The following PTPN3 variants were observed in gnomAD, a reference collection of about 807,000 sequenced individuals.
PTPN3 encodes tyrosine-protein phosphatase non-receptor type 3.
PTPN3 carries 96 observed loss-of-function variants against 132.7 expected under a neutral mutation model. The ratio of observed to expected loss-of-function variants is 0.72; its 90% confidence interval spans 0.61 to 0.86. The LOEUF is 0.86. Among genes scored for constraint, PTPN3 ranks in the 40% least tolerant of loss-of-function variants. The pLI is 0.00. For missense variants in PTPN3, 1,125 were observed against 1,159.6 expected (o/e 0.97, Z 0.43); for synonymous variants, 398 against 429.0 (o/e 0.93, Z 0.89).
rs766508051 is a variant in PTPN3 at position 109,436,865 on chromosome 9, C to T, written c.675+18G>A. ...TAAAAACATAATGTTTGAGCCAAGA[C>T]ATAACAAGAATACATACCCTACCAC... On this transcript the variant is annotated intron_variant, in intron 9 of 25. Coordinates refer to ENST00000374541, the MANE Select transcript of PTPN3 (RefSeq NM_002829.4). 18 of 1,603,800 alleles carry T rather than the reference C, an allele frequency of 1.1e-5. No individual in the cohort carries two copies. Among genetic ancestry groups the T allele is most frequent in the South Asian group, 1.0e-4 (9 of 88,058 alleles).
At chr9:109,426,647 G>C (rs1444168070) in intron 12 of PTPN3, among the ~76,000 whole-genome samples, 1 of 152,194 alleles carries the variant, frequency 6.6e-6, no homozygotes, top group Non-Finnish European at 1.5e-5. Context: ...CTGGCACCAG[G>C]AGACACACAG....
chr9:109,391,376 C>A, intron 20 of PTPN3, 95 bp downstream of exon 20: 1 of 1,395,034 alleles, frequency 7.2e-7, no homozygotes, highest in African/African-American at 1.4e-5. Flanking sequence ...TACAGACACA[C>A]TGAAAATCGT....
intron 19 of PTPN3, among the ~76,000 whole-genome samples, chr9:109,392,021 AG>A: frequency 6.6e-6 from 1 of 152,258 alleles, no homozygotes; most frequent in South Asian, 2.1e-4. Flanking sequence ...CTATTTCCAC[AG>A]GAAAAACATT....
At chr9:109,514,734 C>T in the PTPN3 span, among the ~76,000 whole-genome samples, 1 of 152,156 alleles carries the variant, frequency 6.6e-6, no homozygotes, top group African/African-American at 2.4e-5. Context: ...CAGTTCCTTC[C>T]ACTGGAGGTA....
intron 19 of PTPN3, among the ~76,000 whole-genome samples, chr9:109,395,820 C>CTG (rs1419546461): frequency 5.5e-4 from 80 of 146,516 alleles, no homozygotes; most frequent in African/African-American, 1.9e-3. Context: ...CTCTCTCTCT[C>CTG]TATATATATG....
chr9:109,406,827 T>C (rs1298644247), intron 17 of PTPN3, among the ~76,000 whole-genome samples: 1 of 152,236 alleles, frequency 6.6e-6, no homozygotes, highest in African/African-American at 2.4e-5. Context: ...CTGCTCAGAA[T>C]ATAAGTTATG....
intron 13 of PTPN3, 120 bp from the exon 14 acceptor site, chr9:109,420,720 G>T: frequency 9.4e-7 from 1 of 1,064,444 alleles, no homozygotes; most frequent in Non-Finnish European, 1.3e-6. Context: ...GGCGGAGGCT[G>T]ACATTCAGAG....
chr9:109,528,783 C>G, the PTPN3 span, among the ~76,000 whole-genome samples: 1 of 151,948 alleles, frequency 6.6e-6, no homozygotes, highest in Non-Finnish European at 1.5e-5. Flanking sequence ...TTTTCCTTCT[C>G]CTCCTCCTCC....
intron 22 of PTPN3, among the ~76,000 whole-genome samples, chr9:109,385,726 A>G (rs897835324): frequency 1.3e-5 from 2 of 152,250 alleles, no homozygotes; most frequent in Non-Finnish European, 2.9e-5. Context: ...CTTCTGGAGA[A>G]GTTGTCAATG....
chr9:109,506,023 T>C, the PTPN3 span, among the ~76,000 whole-genome samples: 4 of 152,150 alleles, frequency 2.6e-5, no homozygotes, highest in African/African-American at 9.7e-5. Context: ...AGTGCTGGGA[T>C]TACAGGCATG....
At chr9:109,444,494 A>G (rs1844715993) in intron 7 of PTPN3, among the ~76,000 whole-genome samples, 1 of 152,230 alleles carries the variant, frequency 6.6e-6, no homozygotes, top group Non-Finnish European at 1.5e-5. Flanking sequence ...ATTGAGATGT[A>G]CCGTCAGTGT....
At chr9:109,401,280 C>G (rs1041127636) in intron 19 of PTPN3, among the ~76,000 whole-genome samples, 5 of 152,224 alleles carry the variant, frequency 3.3e-5, no homozygotes, top group African/African-American at 1.2e-4. Context: ...TCCTCTGGAA[C>G]AGCGTGTGCA....
chr9:109,514,394 T>C, the PTPN3 span, among the ~76,000 whole-genome samples: 2 of 152,170 alleles, frequency 1.3e-5, no homozygotes, highest in Non-Finnish European at 2.9e-5. Context: ...GGGTAACAAA[T>C]GTATCTAATC....
intron 1 of PTPN3, among the ~76,000 whole-genome samples, chr9:109,479,257 A>G (rs12377782): frequency 0.2 from 30,524 of 152,162 alleles, 3,505 homozygotes; most frequent in South Asian, 0.39. Context: ...TGCCTAGTCT[A>G]GATACATCAG....
At chr9:109,499,288 G>A (rs1345413106), upstream of PTPN3, among the ~76,000 whole-genome samples, 2 of 152,050 alleles carry the variant, frequency 1.3e-5, no homozygotes, top group African/African-American at 4.8e-5. Flanking sequence ...GGGCCCTTGA[G>A]CTGATGGACG....
At chr9:109,391,228 A>T in intron 20 of PTPN3, 29 bp from the exon 21 acceptor site, 1 of 1,591,078 alleles carries the variant, frequency 6.3e-7, no homozygotes, top group Non-Finnish European at 8.6e-7. Flanking sequence ...TTTACCGATT[A>T]TTCCGAGCAT....
At chr9:109,379,872 G>A (rs1308381066) in intron 25 of PTPN3, among the ~76,000 whole-genome samples, 1 of 152,214 alleles carries the variant, frequency 6.6e-6, no homozygotes, top group Non-Finnish European at 1.5e-5. Flanking sequence ...GCGGTCTGGG[G>A]GAGGTGGGAA....
chr9:109,399,690 C>T (rs1840903576), intron 19 of PTPN3, among the ~76,000 whole-genome samples: 1 of 151,458 alleles, frequency 6.6e-6, no homozygotes, highest in African/African-American at 2.4e-5. Context: ...AAAGCAAGCA[C>T]TGATAGAAAC....
intron 17 of PTPN3, 106 bp downstream of exon 17, chr9:109,408,215 A>C: frequency 1.1e-6 from 1 of 893,102 alleles, no homozygotes; most frequent in South Asian, 2.0e-5. Context: ...ATCTAAGCAC[A>C]TTCTTTGCTC....
Sources: allele counts gnomAD v4.1 joint callset (sites outside exome capture counted in the v4.1 genomes callset), GRCh38; gene constraint gnomAD v4.1.1; transcripts MANE v1.5; gene names NCBI Gene and HGNC (gene_info 2026-07-23, HGNC 2026-07-21).